Variants in NBEAL1 observed in about 807,000 individuals in gnomAD.
The protein encoded by NBEAL1 is neurobeachin like 1, also known as neurobeachin-like protein 1.
A neutral mutation model predicts 351.3 loss-of-function variants in NBEAL1; 273 were observed. That is an observed-to-expected ratio of 0.78 (90% CI 0.70 to 0.86). The LOEUF (loss-of-function observed/expected upper bound fraction) is 0.86, where lower values mean the gene tolerates loss of function less well. Ranked by LOEUF, NBEAL1 falls within the 40% of genes least tolerant of loss-of-function variation. NBEAL1 has a pLI of 0.00. For missense variants in NBEAL1, 2,961 were observed against 3,201.3 expected (o/e 0.92, Z 1.81); for synonymous variants, 1,050 against 1,086.4 (o/e 0.97, Z 0.66).
chr2:203,026,583 C>T (rs150507088), intron 2 of NBEAL1, among the ~76,000 whole-genome samples: 14 of 149,498 alleles, frequency 9.4e-5, no homozygotes, highest in Non-Finnish European at 1.6e-4. Flanking sequence ...GGTGTGATCT[C>T]GGCTCACTGC....
intron 44 of NBEAL1, 109 bp from the exon 45 acceptor site, chr2:203,188,363 G>T: frequency 1.8e-6 from 1 of 546,702 alleles, no homozygotes; most frequent in South Asian, 4.9e-5. Context: ...CTGCCAGAAA[G>T]ATTTGTGTGT....
At chr2:203,063,304 C>T (rs1374016236) in intron 6 of NBEAL1, among the ~76,000 whole-genome samples, 1 of 151,726 alleles carries the variant, frequency 6.6e-6, no homozygotes, top group East Asian at 1.9e-4. Context: ...AAAAATTGGC[C>T]AGGTGTGGTG....
At chr2:203,023,151 G>T (rs2060795999) in intron 2 of NBEAL1, among the ~76,000 whole-genome samples, 2 of 152,164 alleles carry the variant, frequency 1.3e-5, no homozygotes, top group Admixed American at 6.5e-5. Context: ...TAACTTATTA[G>T]TACAATTTTG....
chr2:203,086,888 C>A (rs773791538), intron 10 of NBEAL1, among the ~76,000 whole-genome samples: 42 of 151,808 alleles, frequency 2.8e-4, no homozygotes, highest in Non-Finnish European at 5.3e-4. Context: ...GACCCAGTTT[C>A]TCAAAGGAGG....
In NBEAL1 at chr2:203,037,112, G is replaced by A. The variant is rs1475619754; in HGVS notation, c.52-4653G>A. Among the ~76,000 whole-genome samples the A allele has an allele frequency of 1.3e-5, 2 of 149,412 alleles. 1 individual carries two copies. Among genetic ancestry groups the A allele is most frequent in the Non-Finnish European group, 3.0e-5 (2 of 66,624 alleles). On this transcript the variant is annotated intron_variant, in intron 2 of 55. Coordinates refer to ENST00000683969, the MANE Select transcript of NBEAL1 (RefSeq NM_001378026.1). ...TTTCTCAGTAATGATGTAGAGAGCT[G>A]TAGTTTACAAGCTGATTTTAGAACC...
intron 31 of NBEAL1, among the ~76,000 whole-genome samples, chr2:203,144,159 C>T (rs1168271585): frequency 6.2e-5 from 9 of 144,070 alleles, no homozygotes; most frequent in Non-Finnish European, 7.5e-5. Flanking sequence ...TGCCGTGAGC[C>T]GAGATCAAGC....
At chr2:203,066,698 ATG>A (rs2061593915) in intron 6 of NBEAL1, among the ~76,000 whole-genome samples, 1 of 143,240 alleles carries the variant, frequency 7.0e-6, no homozygotes, top group South Asian at 2.3e-4. Flanking sequence ...CACTTCCCAG[ATG>A]GGGCGGCCGG....
intron 3 of NBEAL1, among the ~76,000 whole-genome samples, chr2:203,049,119 G>C (rs1042266118): frequency 6.6e-6 from 1 of 152,018 alleles, no homozygotes. Context: ...CGATTCTTCT[G>C]CCTCAGCCTC....
chr2:203,132,996 C>A, intron 26 of NBEAL1, 62 bp from the exon 27 acceptor site: 1 of 686,884 alleles, frequency 1.5e-6, no homozygotes, highest in Non-Finnish European at 2.5e-6. Flanking sequence ...AAGTATTATC[C>A]ACAGTTCTTT....
At position 203,049,844 on chromosome 2, in the gene NBEAL1, G is replaced by A. The variant is rs1390437698; in HGVS notation, c.174G>A (p.Leu58=). 1.9e-6 allele frequency: 3 copies of A among 1,553,152 alleles called. No individual in the cohort carries two copies. Among genetic ancestry groups the A allele is most frequent in the African/African-American group, 2.7e-5 (2 of 73,492 alleles). The change falls in exon 4 of 56, where the codon CTG becomes CTA. Residue 58 remains leucine, a synonymous_variant. Coordinates refer to ENST00000683969, the MANE Select transcript of NBEAL1 (RefSeq NM_001378026.1). ...ATGATATGCCTCCAGGAATATCTCTGCTTCCTGATAATATTCTGCAGGTTC... is the reference window on the plus strand; with the variant it reads ...ATGATATGCCTCCAGGAATATCTCTACTTCCTGATAATATTCTGCAGGTTC... ...RVDDMPPGIS[L]LPDNILQVLR... is the part of the protein sequence containing the mutation.
At chr2:203,174,822 C>T (rs746770433) in intron 41 of NBEAL1, among the ~76,000 whole-genome samples, 6 of 150,760 alleles carry the variant, frequency 4.0e-5, no homozygotes, top group African/African-American at 9.8e-5. Context: ...ACCCAGGAGG[C>T]GGAGCTTGCA....
At chr2:203,032,375 C>G (rs2060962114) in intron 2 of NBEAL1, among the ~76,000 whole-genome samples, 1 of 151,984 alleles carries the variant, frequency 6.6e-6, no homozygotes, top group Admixed American at 6.6e-5. Context: ...AAGATAAGAA[C>G]AGCTGGGCAC....
chr2:203,167,226 G>A lies in NBEAL1; in HGVS notation c.5864-1G>A. ...AGTCACAAGATTTCTTCCGTTTTCA[G>A]GAGTAGGCTTTGATTTCAAGTGGCC... On this transcript the variant is annotated splice_acceptor_variant, in intron 37 of 55. Coordinates refer to ENST00000683969, the MANE Select transcript of NBEAL1 (RefSeq NM_001378026.1). LOFTEE classifies it high-confidence loss of function. 3.1e-6 allele frequency: 5 copies of A among 1,608,144 alleles called. No individual in the cohort carries two copies. The highest frequency in any genetic ancestry group is 3.3e-4 in the Middle Eastern group (2 of 6,026).
chr2:203,165,260 C>T (rs2064098602), intron 36 of NBEAL1, among the ~76,000 whole-genome samples: 1 of 152,160 alleles, frequency 6.6e-6, no homozygotes, highest in Non-Finnish European at 1.5e-5. Context: ...AATATTCCTC[C>T]TAATATATGG....
intron 2 of NBEAL1, among the ~76,000 whole-genome samples, chr2:203,016,903 TG>T (rs1330403482): frequency 6.6e-6 from 1 of 152,200 alleles, no homozygotes; most frequent in Non-Finnish European, 1.5e-5. Flanking sequence ...CTTTGAGCAT[TG>T]TCTCATTTCC....
intron 49 of NBEAL1, 97 bp downstream of exon 49, chr2:203,199,544 A>ATT (rs373868583): frequency 2.7e-3 from 1,311 of 477,842 alleles, no homozygotes; most frequent in African/African-American, 6.4e-3. Flanking sequence ...TGAAAGAAAT[A>ATT]TTTTTTTTTT....
At position 203,213,629 on chromosome 2, in the gene NBEAL1, A is replaced by G. The variant is rs1337993463; in HGVS notation, c.8046A>G (p.Val2682=). The G allele has an allele frequency of 1.2e-6, 2 of 1,613,912 alleles. No individual in the cohort carries two copies. Among genetic ancestry groups the G allele is most frequent in the Admixed American group, 3.3e-5 (2 of 59,956 alleles). Residue 2682 remains valine, a synonymous_variant, in exon 55 of 56, where the codon GTA becomes GTG. Transcript: ENST00000683969. Reference sequence around the variant, plus strand: ...GTTTAGAAGATGGCAAATTGATTGTAGTGGGTGTTGGCAAGCCTGCTGAGG... The same window carrying G: ...GTTTAGAAGATGGCAAATTGATTGTGGTGGGTGTTGGCAAGCCTGCTGAGG... The part of the protein sequence containing the change: ...LVGLEDGKLI[V]VGVGKPAEMR...
At chr2:203,159,814 G>GT (rs1167694365) in intron 36 of NBEAL1, among the ~76,000 whole-genome samples, 3 of 151,984 alleles carry the variant, frequency 2.0e-5, no homozygotes, top group Admixed American at 2.0e-4. Context: ...TTACCAAACT[G>GT]TTTTTTACAG....
Position 203,067,047 on chromosome 2 carries a change from C to G in NBEAL1, c.516-1346C>G, listed in dbSNP as rs367905988. 4.0e-4 allele frequency among the ~76,000 whole-genome samples: 58 copies of G among 145,824 alleles called. 1 individual carries two copies. In the South Asian group the frequency reaches 0.012, roughly 31 times the overall value. On this transcript the variant is annotated intron_variant, in intron 6 of 55. Transcript: ENST00000683969. ...GACGCCCCTCACCTCCCAGAAGGGGCGGCCGGGCAGAGGCACCCACTTCCC... is the reference window on the plus strand; with the variant it reads ...GACGCCCCTCACCTCCCAGAAGGGGGGGCCGGGCAGAGGCACCCACTTCCC...
Sources: gnomAD v4.1 joint callset for allele counts (sites outside exome capture counted in the v4.1 genomes callset) on GRCh38, gnomAD v4.1.1 for gene constraint, MANE v1.5 for transcripts, NCBI Gene and HGNC (gene_info 2026-07-23, HGNC 2026-07-21) for gene names.